The following COLEC12 variants were observed in gnomAD, a reference collection of about 807,000 sequenced individuals.
COLEC12 encodes collectin subfamily member 12.
COLEC12 carries 33 observed loss-of-function variants against 71.1 expected under a neutral mutation model. The ratio of observed to expected loss-of-function variants is 0.46; its 90% CI spans 0.35 to 0.62. The LOEUF (loss-of-function observed/expected upper bound fraction) is 0.62. COLEC12 is among the 20% of genes least tolerant of loss of function. The pLI, the probability that COLEC12 is intolerant of heterozygous loss-of-function variation, is 0.00. For missense variants in COLEC12, 765 were observed against 916.1 expected (o/e 0.84, Z 2.13); for synonymous variants, 350 against 353.0 (o/e 0.99, Z 0.10).
At chr18:455,608 C>A (rs1467536935) in intron 2 of COLEC12, among the ~76,000 whole-genome samples, 2 of 152,058 alleles carry the variant, frequency 1.3e-5, no homozygotes, top group Non-Finnish European at 2.9e-5. Flanking sequence ...TTAGGCCCTG[C>A]ATGCATTAGG....
chr18:424,899 A>G (rs958534176), intron 2 of COLEC12, among the ~76,000 whole-genome samples: 4 of 152,176 alleles, frequency 2.6e-5, no homozygotes, highest in African/African-American at 9.6e-5. Context: ...AGTGAATGCC[A>G]TGTCACAGCT....
chr18:461,281 TTAA>T (rs72006897), intron 2 of COLEC12, among the ~76,000 whole-genome samples: 41,972 of 152,040 alleles, frequency 0.28, 5,956 homozygotes, highest in African/African-American at 0.35. Context: ...GAAATGATTT[TTAA>T]TAATATATTT....
In COLEC12 at chr18:480,808, C is replaced by T; in HGVS notation, c.8-51G>A. ...TTAATCCTGGCAAGGGGCACAGAAG[C>T]AGAGGGTGGGGCAGGATGCGACCTG... On this transcript the variant is annotated intron_variant, in intron 1 of 9. Coordinates refer to ENST00000400256, the MANE Select transcript of COLEC12 (RefSeq NM_130386.3). The surrounding 1 kb of genome is among the most constrained non-coding windows in gnomAD (Gnocchi z 4.1). The T allele has an allele frequency of 6.5e-7, 1 of 1,526,816 alleles. No homozygotes were observed. Among genetic ancestry groups the T allele is most frequent in the Non-Finnish European group, 9.1e-7 (1 of 1,100,446 alleles). 94.6% of individuals were successfully genotyped at this position (1,526,816 alleles called of 1,614,324 possible). A position where few individuals can be genotyped will look rare whatever the true frequency, so the allele number is the denominator to read the frequency against.
intron 2 of COLEC12, among the ~76,000 whole-genome samples, chr18:387,108 A>G (rs1915362062): frequency 6.6e-6 from 1 of 152,184 alleles, no homozygotes. Flanking sequence ...TTATGGCAAC[A>G]CCACTGAGCT....
intron 2 of COLEC12, among the ~76,000 whole-genome samples, chr18:447,898 C>T (rs1330219626): frequency 6.6e-6 from 1 of 152,088 alleles, no homozygotes; most frequent in African/African-American, 2.4e-5. Flanking sequence ...TCTTTGGTAG[C>T]GGTCAATCAC....
intron 5 of COLEC12, 95 bp from the exon 6 acceptor site, chr18:335,325 A>T: frequency 7.5e-7 from 1 of 1,336,326 alleles, no homozygotes; most frequent in Non-Finnish European, 1.0e-6. Flanking sequence ...AATTAAAAAA[A>T]CCTAGCATAC....
intron 2 of COLEC12, among the ~76,000 whole-genome samples, chr18:438,936 G>T (rs1916458736): frequency 6.6e-6 from 1 of 152,174 alleles, no homozygotes; most frequent in Admixed American, 6.5e-5. Context: ...AGTTAAAGGG[G>T]CAACTAAAAG....
At chr18:392,152 C>T (rs1424871387) in intron 2 of COLEC12, among the ~76,000 whole-genome samples, 1 of 152,132 alleles carries the variant, frequency 6.6e-6, no homozygotes, top group African/African-American at 2.4e-5. Flanking sequence ...CAAATGGATG[C>T]TTTTTTCTAA....
At chr18:372,426 T>C (rs1467320558) in intron 2 of COLEC12, among the ~76,000 whole-genome samples, 1 of 152,050 alleles carries the variant, frequency 6.6e-6, no homozygotes, top group Non-Finnish European at 1.5e-5. Flanking sequence ...TTTTTGTTTG[T>C]TTGTTTTTTG....
intron 8 of COLEC12, 78 bp from the exon 9 acceptor site, chr18:321,885 T>G: frequency 1.4e-6 from 2 of 1,400,546 alleles, no homozygotes; most frequent in Admixed American, 2.2e-5. Context: ...GCAGAGAATA[T>G]AAAAAAACAA....
chr18:389,568 C>T (rs754692064), intron 2 of COLEC12, among the ~76,000 whole-genome samples: 2 of 150,906 alleles, frequency 1.3e-5, no homozygotes, highest in South Asian at 2.1e-4. Flanking sequence ...CATGAGCCAC[C>T]GAGCCCAGCC....
At chr18:380,901 T>G (rs1352491333) in intron 2 of COLEC12, among the ~76,000 whole-genome samples, 1 of 152,174 alleles carries the variant, frequency 6.6e-6, no homozygotes, top group Non-Finnish European at 1.5e-5. Flanking sequence ...CAGGGTCTTG[T>G]GTGGAGCCTC....
intron 3 of COLEC12, among the ~76,000 whole-genome samples, chr18:357,033 T>C (rs907956658): frequency 1.3e-5 from 2 of 152,086 alleles, no homozygotes; most frequent in Non-Finnish European, 2.9e-5. Flanking sequence ...TCTGTCAATA[T>C]AGTTTTCCTG....
At chr18:411,890 A>G (rs968599256) in intron 2 of COLEC12, among the ~76,000 whole-genome samples, 2 of 152,258 alleles carry the variant, frequency 1.3e-5, no homozygotes, top group Non-Finnish European at 2.9e-5. Context: ...ACTGGAAAAC[A>G]AAACAGTAAA....
intron 6 of COLEC12, 110 bp from the exon 7 acceptor site, chr18:333,253 A>G: frequency 1.1e-6 from 1 of 897,102 alleles, no homozygotes; most frequent in Non-Finnish European, 1.7e-6. Context: ...GAGCAGCCTG[A>G]GCGTCCCTGC....
At chr18:368,921 A>G (rs1914932090) in intron 2 of COLEC12, among the ~76,000 whole-genome samples, 1 of 152,066 alleles carries the variant, frequency 6.6e-6, no homozygotes, top group African/African-American at 2.4e-5. Flanking sequence ...AAAAATCACA[A>G]TTTCCCATGG....
intron 2 of COLEC12, among the ~76,000 whole-genome samples, chr18:380,403 G>T (rs1005638078): frequency 6.6e-6 from 1 of 152,018 alleles, no homozygotes; most frequent in African/African-American, 2.4e-5. Flanking sequence ...GAGTTCTCAG[G>T]GGTTCCCTCT....
chr18:427,365 C>T (rs887309603), intron 2 of COLEC12, among the ~76,000 whole-genome samples: 3 of 152,144 alleles, frequency 2.0e-5, no homozygotes, highest in South Asian at 4.1e-4. Flanking sequence ...GCGAGGTGAG[C>T]GTCCTATGTG....
At chr18:414,833 T>C (rs1226006283) in intron 2 of COLEC12, among the ~76,000 whole-genome samples, 1 of 152,186 alleles carries the variant, frequency 6.6e-6, no homozygotes, top group Non-Finnish European at 1.5e-5. Flanking sequence ...CAGGTGCTGC[T>C]TCTCTAGAAC....
Sources: allele counts gnomAD v4.1 joint callset (sites outside exome capture counted in the v4.1 genomes callset), GRCh38; gene constraint gnomAD v4.1.1; non-coding constraint Gnocchi (gnomAD v3.1); transcripts MANE v1.5; gene names NCBI Gene and HGNC (gene_info 2026-07-23, HGNC 2026-07-21).